LRRC7: variants seen among roughly 807,000 people sequenced by gnomAD.
LRRC7 encodes the protein leucine-rich repeat-containing protein 7.
Under a neutral mutation model 175.7 loss-of-function variants are expected in LRRC7, and 23 were observed. The ratio of observed to expected loss-of-function variants is 0.13; its 90% CI spans 0.09 to 0.19. The LOEUF is 0.19. Ranked by LOEUF, LRRC7 falls within the 10% of genes least tolerant of loss-of-function variation. The pLI, the probability that LRRC7 is intolerant of heterozygous loss-of-function variation, is 1.00. For missense variants in LRRC7, 1,354 were observed against 1,904.7 expected (o/e 0.71, Z 5.38); for synonymous variants, 685 against 680.9 (o/e 1.01, Z -0.09).
chr1:69,704,829 A>G (rs1663822579), intron 2 of LRRC7, among the ~76,000 whole-genome samples: 1 of 152,080 alleles, frequency 6.6e-6, no homozygotes, highest in South Asian at 2.1e-4. Context: ...TAAATATAGT[A>G]AATTTCAAAT....
intron 25 of LRRC7, among the ~76,000 whole-genome samples, chr1:70,099,045 T>C (rs1664616224): frequency 6.6e-6 from 1 of 150,842 alleles, no homozygotes; most frequent in Non-Finnish European, 1.5e-5. Flanking sequence ...CCAATATCCT[T>C]GATGAACATT....
chr1:69,718,160 G>GAAAGAAAGAAAGAA (rs1451018236), intron 2 of LRRC7, among the ~76,000 whole-genome samples: 3 of 148,942 alleles, frequency 2.0e-5, no homozygotes, highest in Non-Finnish European at 4.5e-5. Flanking sequence ...AAGAAAGAAA[G>GAAAGAAAGAAAGAA]AAAGAAAGAA....
At chr1:70,041,416 A>G (rs1158441734) in intron 21 of LRRC7, among the ~76,000 whole-genome samples, 2 of 152,206 alleles carry the variant, frequency 1.3e-5, no homozygotes, top group Non-Finnish European at 2.9e-5. Context: ...TCTGTTTCAA[A>G]TAGGTTTGCT....
At chr1:69,925,272 G>T (rs1031162427) in intron 7 of LRRC7, among the ~76,000 whole-genome samples, 2 of 152,064 alleles carry the variant, frequency 1.3e-5, no homozygotes. Flanking sequence ...TTTTTTGGGT[G>T]TGTCTCTGCC....
At chr1:69,873,306 C>T (rs1391266299) in intron 7 of LRRC7, among the ~76,000 whole-genome samples, 2 of 152,066 alleles carry the variant, frequency 1.3e-5, no homozygotes, top group African/African-American at 4.8e-5. Context: ...AACTATGCCT[C>T]TTTACAAAAA....
chr1:69,701,811 G>A (rs560407305), intron 2 of LRRC7, among the ~76,000 whole-genome samples: 1 of 152,272 alleles, frequency 6.6e-6, no homozygotes, highest in Admixed American at 6.5e-5. Flanking sequence ...TTTAGAAACA[G>A]TTGACTTAAT....
intron 4 of LRRC7, among the ~76,000 whole-genome samples, chr1:69,796,970 C>T (rs1675859040): frequency 6.6e-6 from 1 of 151,870 alleles, no homozygotes. Context: ...AATTTAATTT[C>T]TATATATTTG....
chr1:69,993,258 A>G (rs547222272), intron 10 of LRRC7, among the ~76,000 whole-genome samples: 11 of 152,246 alleles, frequency 7.2e-5, no homozygotes, highest in Admixed American at 3.9e-4. Flanking sequence ...GTTGTTTTCA[A>G]GCTGATGTAT....
At chr1:69,814,677 G>A (rs531330438) in intron 4 of LRRC7, among the ~76,000 whole-genome samples, 1 of 152,060 alleles carries the variant, frequency 6.6e-6, no homozygotes, top group Non-Finnish European at 1.5e-5. Context: ...TGTTTGGGTT[G>A]AACTCCTAGG....
chr1:69,997,896 C>G (rs1655154016), intron 11 of LRRC7, among the ~76,000 whole-genome samples: 1 of 152,112 alleles, frequency 6.6e-6, no homozygotes, highest in Non-Finnish European at 1.5e-5. Flanking sequence ...GCTTTGGTAT[C>G]AGGATGATGC....
chr1:70,012,329 C>T (rs1656583660), intron 12 of LRRC7, among the ~76,000 whole-genome samples: 1 of 151,564 alleles, frequency 6.6e-6, no homozygotes, highest in Non-Finnish European at 1.5e-5. Context: ...ATTATTTTAA[C>T]TTCTGGATCC....
intron 1 of LRRC7, among the ~76,000 whole-genome samples, chr1:69,575,074 A>G (rs897953976): frequency 8.5e-5 from 13 of 152,102 alleles, no homozygotes; most frequent in Admixed American, 3.3e-4. Flanking sequence ...TAATCTTACT[A>G]TTTCAGGAGT....
chr1:69,920,481 T>C (rs955455592), intron 7 of LRRC7, among the ~76,000 whole-genome samples: 3 of 152,188 alleles, frequency 2.0e-5, no homozygotes, highest in African/African-American at 7.2e-5. Flanking sequence ...ATATTTATCC[T>C]ATACAAAGAT....
At chr1:69,761,355 T>C (rs1671016302) in intron 3 of LRRC7, among the ~76,000 whole-genome samples, 1 of 152,050 alleles carries the variant, frequency 6.6e-6, no homozygotes. Context: ...TATCAGAATC[T>C]GATATTTCAA....
chr1:69,728,360 C>T (rs1667207087), intron 2 of LRRC7, among the ~76,000 whole-genome samples: 1 of 152,122 alleles, frequency 6.6e-6, no homozygotes, highest in Admixed American at 6.5e-5. Flanking sequence ...AAGTCAGTCC[C>T]ATCTGTCAAA....
rs1174078985 is a variant in LRRC7, at chr1:69,919,447, C to G, written c.648-12060C>G. 10 of 970,602 alleles carry G rather than the reference C, an allele frequency of 1.0e-5. No homozygotes were observed. The Admixed American group carries it at 2.0e-4, about 20-fold the overall frequency. 60.1% of individuals were successfully genotyped at this position (970,602 alleles called of 1,614,324 possible). A position where few individuals can be genotyped will look rare whatever the true frequency, so the allele number is the denominator to read the frequency against. On this transcript the variant is annotated intron_variant, in intron 7 of 26. Transcript: ENST00000651989. The stretch of plus-strand genomic sequence containing the variant: ...GTACTACTTCAACCACATCACTAAC[C>G]CCAGCCAGTGGGAGCGGCCCAGCGG...
chr1:69,914,390 C>T (rs1341670118), intron 7 of LRRC7, among the ~76,000 whole-genome samples: 1 of 152,148 alleles, frequency 6.6e-6, no homozygotes, highest in Non-Finnish European at 1.5e-5. Context: ...TAAATTCCAT[C>T]ACTGCTTCAA....
chr1:69,785,840 T>G (rs895270708), intron 3 of LRRC7, among the ~76,000 whole-genome samples: 3 of 152,104 alleles, frequency 2.0e-5, no homozygotes, highest in African/African-American at 7.2e-5. Flanking sequence ...AATTCTGAAA[T>G]TCCTCCACTA....
intron 3 of LRRC7, among the ~76,000 whole-genome samples, chr1:69,776,477 T>C (rs953881235): frequency 6.6e-6 from 1 of 152,152 alleles, no homozygotes; most frequent in Admixed American, 6.5e-5. Flanking sequence ...TTCCAAAATG[T>C]ATGTGGAAAT....
Sources: allele counts gnomAD v4.1 joint callset (sites outside exome capture counted in the v4.1 genomes callset), GRCh38; gene constraint gnomAD v4.1.1; transcripts MANE v1.5; gene names NCBI Gene and HGNC (gene_info 2026-07-23, HGNC 2026-07-21).